The following GALNT18 variants were observed in gnomAD, a reference collection of about 807,000 sequenced individuals.
The protein encoded by GALNT18 is polypeptide N-acetylgalactosaminyltransferase 18.
In GALNT18, 44 loss-of-function variants were observed where a neutral mutation model predicts 69.5. The ratio of observed to expected loss-of-function variants is 0.63; its 90% confidence interval spans 0.50 to 0.81. The LOEUF (loss-of-function observed/expected upper bound fraction) is 0.81. Ranked by LOEUF, GALNT18 falls within the 40% of genes least tolerant of loss-of-function variation. GALNT18 has a pLI of 0.00. For missense variants in GALNT18, 715 were observed against 810.0 expected (o/e 0.88, Z 1.42); for synonymous variants, 364 against 318.2 (o/e 1.14, Z -1.53).
chr11:11,601,182 A>C lies in GALNT18; in HGVS notation c.235+20177T>G, dbSNP rs1416546923. On this transcript the variant is annotated intron_variant, in intron 1 of 10. Coordinates refer to ENST00000227756, the MANE Select transcript of GALNT18 (RefSeq NM_198516.3). The surrounding 1 kb of genome is among the most constrained non-coding windows in gnomAD (Gnocchi z 4.0). The stretch of plus-strand genomic sequence containing the variant: ...CTATGATCTGCTTTGATGTCTCTTA[A>C]ATTTCTGTTGAAAACCAGACATTTT... 6.6e-6 allele frequency among the ~76,000 whole-genome samples: 1 copy of C among 152,192 alleles called. No homozygotes were observed. The highest frequency in any genetic ancestry group is 2.4e-5 in the African/African-American group (1 of 41,454).
chr11:11,481,917 A>C (rs554756292), intron 1 of GALNT18, among the ~76,000 whole-genome samples: 4 of 152,254 alleles, frequency 2.6e-5, no homozygotes, highest in Non-Finnish European at 4.4e-5. Context: ...GATCCTTCAA[A>C]GCATAGCTTA....
intron 1 of GALNT18, among the ~76,000 whole-genome samples, chr11:11,517,101 A>G (rs960189609): frequency 4.6e-5 from 7 of 152,236 alleles, no homozygotes; most frequent in African/African-American, 1.4e-4. Context: ...TGAACCAGGA[A>G]GAGGACCCTC....
intron 9 of GALNT18, among the ~76,000 whole-genome samples, chr11:11,322,769 C>A (rs1228099789): frequency 6.6e-6 from 1 of 152,184 alleles, no homozygotes; most frequent in East Asian, 1.9e-4. Flanking sequence ...TCACAAAGTG[C>A]CACAGACTAG....
Position 11,523,633 on chromosome 11 carries a change from G to A in GALNT18, c.236-74697C>T, listed in dbSNP as rs1246451229. Among the ~76,000 whole-genome samples the A allele has an allele frequency of 6.6e-6, 1 of 151,640 alleles. No individual in the cohort carries two copies. Among genetic ancestry groups the A allele is most frequent in the Non-Finnish European group, 1.5e-5 (1 of 67,904 alleles). On this transcript the variant is annotated intron_variant, in intron 1 of 10. Transcript: ENST00000227756. The surrounding 1 kb of genome is among the most constrained non-coding windows in gnomAD (Gnocchi z 4.3). ...ACTCGGGAGGCTGAGGCAGGAGAAT[G>A]GTGAGAACCCGGGAGGAAGAGGTTG...
chr11:11,534,168 T>C (rs929081002), intron 1 of GALNT18, among the ~76,000 whole-genome samples: 1 of 152,226 alleles, frequency 6.6e-6, no homozygotes, highest in African/African-American at 2.4e-5. Context: ...GTCCAGGCCC[T>C]TAGCCATGGG....
chr11:11,293,161 A>G lies in GALNT18; in HGVS notation c.1545T>C (p.His515=). 7.4e-7 allele frequency: 1 copy of G among 1,344,632 alleles called. No homozygotes were observed. Among genetic ancestry groups the G allele is most frequent in the Non-Finnish European group, 9.6e-7 (1 of 1,037,960 alleles). The allele number at this position is 1,344,632 out of a possible 1,614,324, so 83.3% of individuals were successfully genotyped here. The stretch of plus-strand genomic sequence containing the variant: ...CCACGGTGGGGCTCAGAATGCCCAC[A>G]TGGATCTGCTGACTGCTCGTGTAGT... ...NVYYTSSQQI[H]VGILSPTVDD... The change falls in exon 10 of 11, where the codon CAT becomes CAC. Residue 515 remains histidine (H), a synonymous_variant. Coordinates refer to ENST00000227756, the MANE Select transcript of GALNT18 (RefSeq NM_198516.3).
chr11:11,514,438 G>T (rs1270238724), intron 1 of GALNT18, among the ~76,000 whole-genome samples: 1 of 152,162 alleles, frequency 6.6e-6, no homozygotes, highest in Non-Finnish European at 1.5e-5. Flanking sequence ...TGGATGGCAG[G>T]CCTCCCTTGT....
intron 9 of GALNT18, among the ~76,000 whole-genome samples, chr11:11,293,894 AGC>A (rs1849351105): frequency 1.4e-5 from 2 of 145,996 alleles, no homozygotes; most frequent in Admixed American, 6.9e-5. Context: ...GCCTTCAGGG[AGC>A]GCAGAGTCTT....
rs1034532073 is a variant in GALNT18, at chr11:11,459,763, T to C, written c.236-10827A>G. On this transcript the variant is annotated intron_variant, in intron 1 of 10. Coordinates refer to ENST00000227756, the MANE Select transcript of GALNT18 (RefSeq NM_198516.3). This position sits in a 1 kb window ranked among gnomAD's most constrained non-coding sequence, Gnocchi z 5.0. The stretch of plus-strand genomic sequence containing the variant: ...TCAGATAGGTGGTAAAGTGTATTAA[T>C]AGTTTCCTATGGTGCTCTAGCAAAA... 1.2e-4 allele frequency among the ~76,000 whole-genome samples: 19 copies of C among 152,370 alleles called. No individual in the cohort carries two copies. Among genetic ancestry groups the C allele is most frequent in the South Asian group, 6.2e-4 (3 of 4,830 alleles).
chr11:11,272,655 T>C (rs536502815), intron 10 of GALNT18, among the ~76,000 whole-genome samples: 4 of 152,366 alleles, frequency 2.6e-5, no homozygotes, highest in Non-Finnish European at 5.9e-5. Flanking sequence ...TTCTTCCCCA[T>C]GCTCCCATGA....
intron 3 of GALNT18, among the ~76,000 whole-genome samples, chr11:11,406,884 C>T (rs1348883702): frequency 6.6e-6 from 1 of 152,170 alleles, no homozygotes; most frequent in Non-Finnish European, 1.5e-5. Flanking sequence ...AAGGCCTTGC[C>T]CCATAGGTGT....
At chr11:11,422,054 T>G (rs577244194) in intron 3 of GALNT18, among the ~76,000 whole-genome samples, 3 of 152,274 alleles carry the variant, frequency 2.0e-5, no homozygotes, top group East Asian at 3.9e-4. Flanking sequence ...CATCTATATC[T>G]ATATCTATAT....
At chr11:11,290,546 C>T (rs533920921) in intron 10 of GALNT18, among the ~76,000 whole-genome samples, 15 of 152,338 alleles carry the variant, frequency 9.8e-5, no homozygotes, top group African/African-American at 2.6e-4. Context: ...CCCTGACTCC[C>T]GGCAGCTCCC....
chr11:11,318,534 C>T lies in GALNT18; in HGVS notation c.1512+8552G>A, dbSNP rs1306277848. Among the ~76,000 whole-genome samples the T allele has an allele frequency of 1.3e-5, 2 of 152,126 alleles. No individual in the cohort carries two copies. Among genetic ancestry groups the T allele is most frequent in the African/African-American group, 4.8e-5 (2 of 41,422 alleles). On this transcript the variant is annotated intron_variant, in intron 9 of 10. Coordinates refer to ENST00000227756, the MANE Select transcript of GALNT18 (RefSeq NM_198516.3). The surrounding 1 kb of genome is among the most constrained non-coding windows in gnomAD (Gnocchi z 5.1). The stretch of plus-strand genomic sequence containing the variant: ...AGAGGGAGCTTGGCCCTGCTGAGAC[C>T]GATCTCGAACTTCTAGGCTTCAGAA...
Position 11,493,600 on chromosome 11 carries a change from T to C in GALNT18, c.236-44664A>G, listed in dbSNP as rs1856816321. On this transcript the variant is annotated intron_variant, in intron 1 of 10. Transcript: ENST00000227756. Reference sequence around the variant, plus strand: ...CCAGCACACAGTGATGCTCAGTAAGTGATTGTTGATTACAAAATAGAAATG... The same window carrying C: ...CCAGCACACAGTGATGCTCAGTAAGCGATTGTTGATTACAAAATAGAAATG... Among the ~76,000 whole-genome samples, 3 of 152,140 alleles carry C rather than the reference T, an allele frequency of 2.0e-5. No individual in the cohort carries two copies. The South Asian group carries it at 6.2e-4, about 32-fold the overall frequency.
intron 9 of GALNT18, among the ~76,000 whole-genome samples, chr11:11,323,266 A>G (rs563603172): frequency 1.3e-5 from 2 of 152,372 alleles, no homozygotes; most frequent in East Asian, 3.9e-4. Context: ...TCCAAGTACA[A>G]TTCATCCCAA....
chr11:11,499,586 T>A (rs2133896783), intron 1 of GALNT18, among the ~76,000 whole-genome samples: 1 of 152,266 alleles, frequency 6.6e-6, no homozygotes, highest in South Asian at 2.1e-4. Context: ...GCTATCTGTG[T>A]CCCCGTCCCC....
In GALNT18 at chr11:11,573,616, T is replaced by C. The variant is rs903672072; in HGVS notation, c.235+47743A>G. The C allele has an allele frequency of 6.6e-6, 1 of 152,126 alleles. No homozygotes were observed. Among genetic ancestry groups the C allele is most frequent in the Non-Finnish European group, 1.5e-5 (1 of 68,032 alleles). The allele number at this position is 152,126 out of a possible 1,614,324, so 9.4% of individuals were successfully genotyped here. A position where few individuals can be genotyped will look rare whatever the true frequency, so the allele number is the denominator to read the frequency against. ...GCCAGCTGGATCAGCAAGAGGCTGG[T>C]GGAGAACAAGAAGCTGCTATGAACC... On this transcript the variant is annotated intron_variant, in intron 1 of 10. Transcript: ENST00000227756. This position sits in a 1 kb window ranked among gnomAD's most constrained non-coding sequence, Gnocchi z 4.6.
intron 1 of GALNT18, among the ~76,000 whole-genome samples, chr11:11,525,807 T>C (rs1857508769): frequency 6.6e-6 from 1 of 151,888 alleles, no homozygotes; most frequent in African/African-American, 2.4e-5. Context: ...GCTAATTTTG[T>C]AATTTTAGTA....
Sources: allele counts gnomAD v4.1 joint callset (sites outside exome capture counted in the v4.1 genomes callset), GRCh38; gene constraint gnomAD v4.1.1; non-coding constraint Gnocchi (gnomAD v3.1); transcripts MANE v1.5; gene names NCBI Gene and HGNC (gene_info 2026-07-23, HGNC 2026-07-21).